The following ATP2B3 variants were observed in gnomAD, a reference collection of about 807,000 sequenced individuals.
The protein encoded by ATP2B3 is plasma membrane calcium-transporting ATPase 3.
A neutral mutation model predicts 70.8 loss-of-function variants in ATP2B3; 12 were observed. The observed-to-expected ratio is 0.17, with a 90% CI of 0.11 to 0.27. ATP2B3 has a LOEUF of 0.27. ATP2B3 is among the 10% of genes least tolerant of loss of function. The probability of loss-of-function intolerance (pLI) is 1.00; values close to 1 mark genes in which losing one functional copy is unlikely to be tolerated. For missense variants in ATP2B3, 858 were observed against 1,118.5 expected (o/e 0.77, Z 3.32); for synonymous variants, 460 against 497.8 (o/e 0.92, Z 1.01).
Position 153,542,358 on chromosome X carries a change from G to T in ATP2B3, c.700G>T (p.Ala234Ser), listed in dbSNP as rs1557007006. The change falls in exon 6 of 22, where the codon GCC becomes TCC. Residue 234 changes from alanine (A) to serine (S), a missense_variant. Transcript: ENST00000263519. ...LLPADGVLIQ[A>S]NDLKIDESSL... ...GCCAGCCGACGGCGTGCTCATCCAGGCCAATGACCTCAAGATCGACGAGAG... is the reference window on the plus strand; with the variant it reads ...GCCAGCCGACGGCGTGCTCATCCAGTCCAATGACCTCAAGATCGACGAGAG... The T allele has an allele frequency of 2.5e-6, 3 of 1,211,669 alleles. No homozygotes were observed. The highest frequency in any genetic ancestry group is 2.2e-5 in the Admixed American group (1 of 46,093).
chrX:153,546,885 G>T (rs1046612940), intron 8 of ATP2B3, among the ~76,000 whole-genome samples: 19 of 112,819 alleles, frequency 1.7e-4, no homozygotes, highest in Non-Finnish European at 3.0e-4. Flanking sequence ...GGTTGAGGAG[G>T]TGGCAGCAGG....
In ATP2B3 at chrX:153,582,629, G is replaced by A. The variant is rs1603144940; in HGVS notation, c.*2331G>A. 1 of 112,633 alleles carries A rather than the reference G, an allele frequency of 8.9e-6. No homozygotes were observed. The highest frequency in any genetic ancestry group is 3.2e-5 in the African/African-American group (1 of 30,847). 9.3% of individuals were successfully genotyped at this position (112,633 alleles called of 1,213,427 possible). A position where few individuals can be genotyped will look rare whatever the true frequency, so the allele number is the denominator to read the frequency against. The stretch of plus-strand genomic sequence containing the variant: ...GTGCTGTGCTGTGGAGTTCAGAAAC[G>A]GGGTACCATGACCTGGAATCTTTTG... On this transcript the variant is annotated 3_prime_UTR_variant, in exon 22 of 22. Transcript: ENST00000263519.
In ATP2B3 at chrX:153,556,205, C is replaced by T; in HGVS notation, c.2215C>T (p.Arg739Trp). ...LCLEGKEFNRRIRNEKGEIEQ... is the reference protein window; with the variant it reads ...LCLEGKEFNRWIRNEKGEIEQ... ...CCTAGAAGGGAAGGAGTTCAACCGG[C>T]GGATCCGCAATGAGAAAGGCGAGGT... Residue 739 changes from arginine (R) to tryptophan (W), a missense_variant, in exon 14 of 22, where the codon CGG becomes TGG. Physicochemically the swap from Arg to Trp is moderately radical, Grantham distance 101. Around this residue, in one of 5 missense-constraint regions of ATP2B3, gnomAD observed 242 missense variants for 281.3 expected, o/e 0.86. Coordinates refer to ENST00000263519, the MANE Select transcript of ATP2B3 (RefSeq NM_001001344.3). 3 of 1,209,400 alleles carry T rather than the reference C, an allele frequency of 2.5e-6. No homozygotes were observed. Among genetic ancestry groups the T allele is most frequent in the East Asian group, 3.0e-5 (1 of 33,812 alleles).
chrX:153,538,588 G>A lies in ATP2B3; in HGVS notation c.208+2133G>A, dbSNP rs1297208581. Among the ~76,000 whole-genome samples the A allele has an allele frequency of 9.7e-5, 11 of 112,887 alleles. No homozygotes were observed. The Admixed American group carries it at 1.0e-3, about 10-fold the overall frequency. On this transcript the variant is annotated intron_variant, in intron 3 of 21. Transcript: ENST00000263519. Reference sequence around the variant, plus strand: ...CAGGCAGTTCTGGAAAGGAGGGGGCGGATTCGCTGGGAGCCGACACGAGAT... The same window carrying A: ...CAGGCAGTTCTGGAAAGGAGGGGGCAGATTCGCTGGGAGCCGACACGAGAT...
intron 19 of ATP2B3, among the ~76,000 whole-genome samples, 187 bp downstream of exon 19, chrX:153,561,074 C>A (rs996227951): frequency 8.9e-6 from 1 of 112,013 alleles, no homozygotes. Context: ...CTTCATCTTC[C>A]AAACATTGCC....
intron 8 of ATP2B3, 120 bp downstream of exon 8, chrX:153,546,249 G>C: frequency 1.1e-6 from 1 of 889,998 alleles, no homozygotes. Context: ...TTGGAGACCA[G>C]GTGAGTGGGC....
intron 12 of ATP2B3, among the ~76,000 whole-genome samples, chrX:153,552,183 C>T (rs2090467623): frequency 8.9e-6 from 1 of 112,476 alleles, no homozygotes; most frequent in African/African-American, 3.2e-5. Context: ...GGACAAAAGG[C>T]CCAGCCCAGC....
chrX:153,536,881 C>T (rs1312852794), intron 3 of ATP2B3, among the ~76,000 whole-genome samples: 1 of 112,221 alleles, frequency 8.9e-6, no homozygotes, highest in Non-Finnish European at 1.9e-5. Flanking sequence ...TGCAAGCCTT[C>T]GGAGTTTCGG....
intron 20 of ATP2B3, among the ~76,000 whole-genome samples, chrX:153,564,692 C>T (rs782183304): frequency 3.5e-4 from 40 of 113,371 alleles, no homozygotes; most frequent in Non-Finnish European, 6.4e-4. Context: ...CAGAGCTCCA[C>T]GTACTCCTGA....
In ATP2B3 at chrX:153,580,632, CT is replaced by C; in HGVS notation, c.*341del. On this transcript the variant is annotated 3_prime_UTR_variant, in exon 22 of 22. Coordinates refer to ENST00000263519, the MANE Select transcript of ATP2B3 (RefSeq NM_001001344.3). ...AAGTGCGAAGAGCTGAGTTCCCCAC[CT>C]TTTTTTCTATTGATGCTTCTTTTTT... 2.9e-5 allele frequency: 7 copies of C among 237,426 alleles called. No homozygotes were observed. The highest frequency in any genetic ancestry group is 6.9e-5 in the East Asian group (1 of 14,562). The allele number at this position is 237,426 out of a possible 1,213,427, so 19.6% of individuals were successfully genotyped here. A position where few individuals can be genotyped will look rare whatever the true frequency, so the allele number is the denominator to read the frequency against.
At chrX:153,568,573 G>A (rs1346275157) in intron 21 of ATP2B3, among the ~76,000 whole-genome samples, 8 of 111,934 alleles carry the variant, frequency 7.1e-5, no homozygotes, top group Non-Finnish European at 1.3e-4. Context: ...CATTCCTCAC[G>A]GTCGCAGCAA....
intron 3 of ATP2B3, among the ~76,000 whole-genome samples, chrX:153,541,052 G>A (rs1557005992): frequency 1.8e-5 from 2 of 112,386 alleles, no homozygotes; most frequent in East Asian, 2.8e-4. Context: ...AAAGCACAGG[G>A]ACCTGGGACC....
At chrX:153,556,840 T>C (rs1244248231) in intron 15 of ATP2B3, 77 bp from the exon 16 acceptor site, 2 of 1,047,725 alleles carry the variant, frequency 1.9e-6, no homozygotes, top group Non-Finnish European at 2.6e-6. Flanking sequence ...CCTACCCCCA[T>C]AGCTCCCTGG....
At chrX:153,571,692 G>A (rs1315443479) in intron 21 of ATP2B3, among the ~76,000 whole-genome samples, 1 of 112,440 alleles carries the variant, frequency 8.9e-6, no homozygotes, top group Non-Finnish European at 1.9e-5. Flanking sequence ...GGCAGTGCGG[G>A]GTAAGTAGAG....
intron 2 of ATP2B3, among the ~76,000 whole-genome samples, chrX:153,530,026 G>C (rs190152440): frequency 1.4e-3 from 161 of 112,888 alleles, no homozygotes; most frequent in African/African-American, 5.0e-3. Flanking sequence ...CTATGAACTT[G>C]AGTGGACAAA....
chrX:153,548,080 G>A (rs1236781552), intron 9 of ATP2B3, 81 bp downstream of exon 9: 11 of 1,104,849 alleles, frequency 1.0e-5, no homozygotes, highest in Middle Eastern at 2.7e-4. Flanking sequence ...AGCCCAGGCT[G>A]TGTAGAGCAG....
rs1602997006 is a variant in ATP2B3 at position 153,517,670 on chromosome X, C to T, written c.-452C>T. On this transcript the variant is annotated 5_prime_UTR_variant, in exon 1 of 22. Coordinates refer to ENST00000263519, the MANE Select transcript of ATP2B3 (RefSeq NM_001001344.3). The stretch of plus-strand genomic sequence containing the variant: ...GCTGCGGTTGGAGCCGAGCGCGCCG[C>T]GTCGCCCGCCGCCGGTGCAGAGCGT... 9.3e-6 allele frequency: 1 copy of T among 107,887 alleles called. No individual in the cohort carries two copies. 8.9% of individuals were successfully genotyped at this position (107,887 alleles called of 1,213,427 possible). A position where few individuals can be genotyped will look rare whatever the true frequency, so the allele number is the denominator to read the frequency against.
chrX:153,565,474 G>T (rs1006944365), intron 21 of ATP2B3, among the ~76,000 whole-genome samples: 1 of 112,813 alleles, frequency 8.9e-6, no homozygotes, highest in Non-Finnish European at 1.9e-5. Flanking sequence ...TGACAGTATC[G>T]GGAAGAGAGG....
chrX:153,576,845 G>GTT (rs1469941881), intron 21 of ATP2B3, among the ~76,000 whole-genome samples: 2 of 112,070 alleles, frequency 1.8e-5, no homozygotes, highest in Admixed American at 9.4e-5. Context: ...TCTTAGAAAC[G>GTT]TTTGTTGCTT....
Sources: gnomAD v4.1 joint callset for allele counts (sites outside exome capture counted in the v4.1 genomes callset) on GRCh38, gnomAD v4.1.1 for gene constraint, gnomAD v4.1.1 regional missense constraint, MANE v1.5 for transcripts, NCBI Gene and HGNC (gene_info 2026-07-23, HGNC 2026-07-21) for gene names.